The following DGKG variants were observed in gnomAD, a reference collection of about 807,000 sequenced individuals.
DGKG encodes the protein DAG kinase gamma.
DGKG carries 78 observed loss-of-function variants against 105.3 expected under a neutral mutation model. That is an observed-to-expected ratio of 0.74 (90% CI 0.62 to 0.89). The LOEUF (loss-of-function observed/expected upper bound fraction) is 0.89. Among genes scored for constraint, DGKG ranks in the 40% least tolerant of loss-of-function variants. DGKG has a pLI of 0.00. For synonymous variants in DGKG, 346 were observed against 367.1 expected (o/e 0.94, Z 0.66); for missense variants, 958 against 1,020.1 (o/e 0.94, Z 0.83).
chr3:186,193,567 G>A (rs546208894), intron 21 of DGKG, among the ~76,000 whole-genome samples: 120 of 152,344 alleles, frequency 7.9e-4, no homozygotes, highest in Admixed American at 2.4e-3. Context: ...GCACGCCTGC[G>A]TGCCCATTCT....
Position 186,297,066 on chromosome 3 carries a change from TCTCACACACACACA to T in DGKG, c.373+341_373+354del, listed in dbSNP as rs1723610061. Among the ~76,000 whole-genome samples the T allele has an allele frequency of 7.3e-4, 90 of 123,752 alleles. No homozygotes were observed. In the South Asian group the frequency reaches 0.016, roughly 23 times the overall value. The allele number at this position is 123,752 out of a possible 152,430, so 81.2% of individuals were successfully genotyped here. A position where few individuals can be genotyped will look rare whatever the true frequency, so the allele number is the denominator to read the frequency against. On this transcript the variant is annotated intron_variant, in intron 5 of 24. Coordinates refer to ENST00000265022, the MANE Select transcript of DGKG (RefSeq NM_001346.3). ...CTCTCTCTGTCTGTCTGTCTGTCTC[TCTCACACACACACA>T]CACACACACACACACACACACACAC...
intron 2 of DGKG, chr3:186,313,542 T>G: frequency 1.0e-6 from 1 of 985,268 alleles, no homozygotes; most frequent in Non-Finnish European, 1.2e-6. Flanking sequence ...ATCAGACAAC[T>G]TGGACCATCT....
intron 19 of DGKG, among the ~76,000 whole-genome samples, chr3:186,246,312 G>T (rs1720938137): frequency 6.6e-6 from 1 of 152,138 alleles, no homozygotes; most frequent in Non-Finnish European, 1.5e-5. Flanking sequence ...AACCCAATAA[G>T]CCTTGAATAT....
rs1553818198 is a variant in DGKG at position 186,310,290 on chromosome 3, CCA to C, written c.68-3315_68-3314del. ...CAAAAAAAAAAAAAAAAAAAAAAAA[CCA>C]CACACACACAACAAGAATCCAGGAG... On this transcript the variant is annotated intron_variant, in intron 2 of 24. Transcript: ENST00000265022. Among the ~76,000 whole-genome samples the C allele has an allele frequency of 1.3e-4, 9 of 69,834 alleles. No individual in the cohort carries two copies. The South Asian group carries it at 4.2e-3, about 33-fold the overall frequency. The allele number at this position is 69,834 out of a possible 152,430, so 45.8% of individuals were successfully genotyped here. A position where few individuals can be genotyped will look rare whatever the true frequency, so the allele number is the denominator to read the frequency against.
At chr3:186,189,290 C>A (rs903996264) in intron 21 of DGKG, among the ~76,000 whole-genome samples, 3 of 152,176 alleles carry the variant, frequency 2.0e-5, no homozygotes, top group South Asian at 4.1e-4. Context: ...AACTTGCAGT[C>A]CCCACCAGGT....
At chr3:186,332,030 A>G (rs919904358) in intron 1 of DGKG, among the ~76,000 whole-genome samples, 1 of 152,130 alleles carries the variant, frequency 6.6e-6, no homozygotes, top group South Asian at 2.1e-4. Context: ...GCTCATGGTA[A>G]CATCTTTGGA....
At chr3:186,179,371 G>C (rs1339616986) in intron 22 of DGKG, among the ~76,000 whole-genome samples, 2 of 152,200 alleles carry the variant, frequency 1.3e-5, no homozygotes, top group Non-Finnish European at 2.9e-5. Context: ...CCTTTGCAGA[G>C]AAGGTTTGCC....
intron 3 of DGKG, among the ~76,000 whole-genome samples, chr3:186,299,829 CTTTCT>C: frequency 9.3e-6 from 1 of 107,812 alleles, no homozygotes; most frequent in East Asian, 2.7e-4. Context: ...TTCTTTCTTT[CTTTCT>C]TTCTTTTTTT....
intron 1 of DGKG, among the ~76,000 whole-genome samples, chr3:186,349,199 A>AT (rs1438504919): frequency 6.6e-6 from 1 of 151,962 alleles, no homozygotes; most frequent in African/African-American, 2.4e-5. Context: ...AGCTACCTAT[A>AT]TTTTTATTAT....
At position 186,167,564 on chromosome 3, in the gene DGKG, G is replaced by A. The variant is rs192963263; in HGVS notation, c.2096-2546C>T. The stretch of plus-strand genomic sequence containing the variant: ...GAGTTAAAATGAAAAAGAACAGAAT[G>A]CAAGTCAGTGTCTAGGCACACAGAG... On this transcript the variant is annotated intron_variant, in intron 22 of 24. Transcript: ENST00000265022. Among the ~76,000 whole-genome samples the A allele has an allele frequency of 1.2e-3, 177 of 152,318 alleles. 1 individual carries two copies. Among genetic ancestry groups the A allele is most frequent in the African/African-American group, 4.0e-3 (168 of 41,576 alleles).
chr3:186,306,879 C>T, intron 3 of DGKG, 22 bp downstream of exon 3: 1 of 1,556,110 alleles, frequency 6.4e-7, no homozygotes, highest in Non-Finnish European at 8.9e-7. Context: ...TTTTTAAAGG[C>T]TTAAAATGGA....
At chr3:186,234,981 C>CCAA (rs76024805) in intron 20 of DGKG, among the ~76,000 whole-genome samples, 32,001 of 151,702 alleles carry the variant, frequency 0.21, 3,407 homozygotes, top group Middle Eastern at 0.28. Context: ...TATAAACAAT[C>CCAA]CAACAACAAC....
intron 22 of DGKG, among the ~76,000 whole-genome samples, chr3:186,172,938 G>A (rs967290560): frequency 6.6e-6 from 1 of 152,194 alleles, no homozygotes; most frequent in African/African-American, 2.4e-5. Context: ...ATTTTCTCAC[G>A]GTTCTGGAGG....
At chr3:186,282,081 G>A (rs374291541) in intron 7 of DGKG, among the ~76,000 whole-genome samples, 5 of 152,182 alleles carry the variant, frequency 3.3e-5, no homozygotes, top group Non-Finnish European at 2.9e-5. Context: ...TCAAATACTC[G>A]AAGGCCTATT....
Position 186,307,865 on chromosome 3 carries a change from C to A in DGKG, c.68-888G>T, listed in dbSNP as rs189590746. ...AGATAGTTTCTTCTACTTCTGGAATCTTGACAACTCTGTCCCTTTTTTTTT... is the reference window on the plus strand; with the variant it reads ...AGATAGTTTCTTCTACTTCTGGAATATTGACAACTCTGTCCCTTTTTTTTT... On this transcript the variant is annotated intron_variant, in intron 2 of 24. Coordinates refer to ENST00000265022, the MANE Select transcript of DGKG (RefSeq NM_001346.3). 1.4e-3 allele frequency among the ~76,000 whole-genome samples: 205 copies of A among 146,434 alleles called. 2 individuals are homozygous for A. The highest frequency in any genetic ancestry group is 4.2e-3 in the African/African-American group (169 of 39,958).
chr3:186,352,701 C>T (rs1726691766), intron 1 of DGKG, among the ~76,000 whole-genome samples: 1 of 152,172 alleles, frequency 6.6e-6, no homozygotes. Flanking sequence ...GTTACAAGTT[C>T]TTTCCTGGTT....
At chr3:186,271,710 C>T (rs17196080) in intron 11 of DGKG, among the ~76,000 whole-genome samples, 24,526 of 152,202 alleles carry the variant, frequency 0.16, 2,275 homozygotes, top group Admixed American at 0.22. Flanking sequence ...AGTGCATCTC[C>T]TGCCACTTCC....
chr3:186,298,260 G>A (rs1323199198), intron 3 of DGKG, 31 bp from the exon 4 acceptor site: 2 of 1,552,334 alleles, frequency 1.3e-6, no homozygotes, highest in Non-Finnish European at 1.7e-6. Context: ...AAAGTCAGTG[G>A]AGAGAAGCAA....
chr3:186,272,104 A>T, intron 11 of DGKG, 151 bp downstream of exon 11: 1 of 625,678 alleles, frequency 1.6e-6, no homozygotes, highest in Non-Finnish European at 2.9e-6. Flanking sequence ...GAATGGATGG[A>T]TGGATGAACG....
Sources: gnomAD v4.1 joint callset for allele counts (sites outside exome capture counted in the v4.1 genomes callset) on GRCh38, gnomAD v4.1.1 for gene constraint, MANE v1.5 for transcripts, NCBI Gene and HGNC (gene_info 2026-07-23, HGNC 2026-07-21) for gene names.